DLGAP2: variants seen among roughly 807,000 people sequenced by gnomAD.
The protein encoded by DLGAP2 is disks large-associated protein 2.
DLGAP2 carries 26 observed loss-of-function variants against 100.3 expected under a neutral mutation model. The observed-to-expected ratio is 0.26, with a 90% confidence interval of 0.19 to 0.36. The LOEUF (loss-of-function observed/expected upper bound fraction) is 0.36. Ranked by LOEUF, DLGAP2 falls within the 10% of genes least tolerant of loss-of-function variation. DLGAP2 has a pLI of 1.00. For missense variants in DLGAP2, 1,858 were observed against 1,453.2 expected (o/e 1.28, Z -4.53); for synonymous variants, 886 against 630.1 (o/e 1.41, Z -6.08).
In DLGAP2 at chr8:946,285, T is replaced by C. The variant is rs555890756; in HGVS notation, c.73+38319T>C. Among the ~76,000 whole-genome samples, 54 of 151,604 alleles carry C rather than the reference T, an allele frequency of 3.6e-4. 1 individual carries two copies. Among genetic ancestry groups the C allele is most frequent in the African/African-American group, 6.1e-4 (25 of 41,314 alleles). On this transcript the variant is annotated intron_variant, in intron 2 of 14. Coordinates refer to ENST00000637795, the MANE Select transcript of DLGAP2 (RefSeq NM_001346810.2). ...GTTTCTTAGGTTTTTTTTTTTTTTT[T>C]GACAGTCTCACTCTGTCATCCAGGC...
Position 1,637,442 on chromosome 8 carries a change from A to G in DLGAP2, c.1810+4396A>G, listed in dbSNP as rs541433716. 1.8e-3 allele frequency among the ~76,000 whole-genome samples: 278 copies of G among 152,158 alleles called. 1 individual carries two copies. Among genetic ancestry groups the G allele is most frequent in the African/African-American group, 6.5e-3 (270 of 41,536 alleles). On this transcript the variant is annotated intron_variant, in intron 8 of 14. Transcript: ENST00000637795. ...GCGGGGCTCTCAGATGCATAGCCTC[A>G]GGTCATAGCTTTCCATAAGTCAACA...
chr8:1,566,125 T>G (rs556049443), intron 6 of DLGAP2, among the ~76,000 whole-genome samples: 6 of 152,238 alleles, frequency 3.9e-5, no homozygotes, highest in Non-Finnish European at 8.8e-5. Context: ...GGCAACTTCC[T>G]TGTCAAATTA....
chr8:1,588,297 T>A (rs971541650), intron 6 of DLGAP2, among the ~76,000 whole-genome samples: 1 of 152,062 alleles, frequency 6.6e-6, no homozygotes, highest in African/African-American at 2.4e-5. Context: ...ATGTACTGAA[T>A]GAAGAGAACA....
intron 4 of DLGAP2, among the ~76,000 whole-genome samples, chr8:1,509,527 T>G (rs1299237862): frequency 6.6e-6 from 1 of 151,868 alleles, no homozygotes; most frequent in East Asian, 1.9e-4. Context: ...CTTGCAGCCA[T>G]CAGGGTGGTG....
intron 2 of DLGAP2, among the ~76,000 whole-genome samples, chr8:1,055,056 G>T (rs552718256): frequency 6.6e-6 from 1 of 152,130 alleles, no homozygotes. Context: ...ATGTTACGAC[G>T]CACATTTAAG....
chr8:1,552,094 G>T (rs1253785262), intron 5 of DLGAP2, among the ~76,000 whole-genome samples: 3 of 152,124 alleles, frequency 2.0e-5, no homozygotes, highest in Non-Finnish European at 4.4e-5. Context: ...TGGTCCTGTT[G>T]TTCTGCAGCC....
intron 4 of DLGAP2, among the ~76,000 whole-genome samples, 193 bp downstream of exon 4, chr8:1,501,624 G>C (rs1202911015): frequency 2.0e-5 from 3 of 152,364 alleles, no homozygotes; most frequent in East Asian, 3.9e-4. Context: ...AGTGCTAGGT[G>C]AGGAAGGGCT....
At chr8:1,180,004 C>G (rs956178430) in intron 2 of DLGAP2, among the ~76,000 whole-genome samples, 4 of 152,130 alleles carry the variant, frequency 2.6e-5, no homozygotes. Context: ...TTATACTAGC[C>G]AGTTAAAGTG....
chr8:1,566,855 A>T (rs1208749994), intron 6 of DLGAP2, among the ~76,000 whole-genome samples: 1 of 152,264 alleles, frequency 6.6e-6, no homozygotes, highest in Non-Finnish European at 1.5e-5. Context: ...TACAAATTAG[A>T]ACTTCACAAA....
chr8:1,137,947 T>C (rs1429827771), intron 2 of DLGAP2, among the ~76,000 whole-genome samples: 6 of 152,126 alleles, frequency 3.9e-5, no homozygotes, highest in Non-Finnish European at 8.8e-5. Flanking sequence ...TGGGCCGCCA[T>C]GCTGGTCACA....
chr8:1,638,440 C>T (rs752882521), intron 8 of DLGAP2, among the ~76,000 whole-genome samples: 1 of 152,100 alleles, frequency 6.6e-6, no homozygotes, highest in Non-Finnish European at 1.5e-5. Context: ...CTGGGACTCA[C>T]AGCCTCCATG....
chr8:1,131,810 G>A (rs147253517), intron 2 of DLGAP2, among the ~76,000 whole-genome samples: 17 of 152,288 alleles, frequency 1.1e-4, no homozygotes, highest in African/African-American at 4.1e-4. Flanking sequence ...TGAATTCTAT[G>A]CTTTTTGGGG....
chr8:1,346,343 C>T (rs917583299), intron 3 of DLGAP2, among the ~76,000 whole-genome samples: 11 of 151,492 alleles, frequency 7.3e-5, no homozygotes, highest in Admixed American at 6.6e-5. Flanking sequence ...TACACATCTG[C>T]ATTGCTCTCA....
chr8:1,641,844 G>C (rs1392533769), intron 8 of DLGAP2, among the ~76,000 whole-genome samples: 1 of 151,784 alleles, frequency 6.6e-6, no homozygotes, highest in African/African-American at 2.4e-5. Flanking sequence ...GGAGATGGAA[G>C]TACTGTTGAA....
intron 3 of DLGAP2, among the ~76,000 whole-genome samples, chr8:1,266,303 T>C (rs1563051137): frequency 6.6e-6 from 1 of 152,214 alleles, no homozygotes; most frequent in Non-Finnish European, 1.5e-5. Flanking sequence ...CATGCTTTTA[T>C]TGGAAATATT....
At chr8:1,101,986 A>C (rs959139501) in intron 2 of DLGAP2, among the ~76,000 whole-genome samples, 32 of 152,150 alleles carry the variant, frequency 2.1e-4, no homozygotes, top group African/African-American at 7.2e-4. Flanking sequence ...ATTTTAGCAC[A>C]AAAAAGGAAA....
rs1799761754 is a variant in DLGAP2 at position 1,708,398 on chromosome 8, G to C, written c.*6992G>C. 6.6e-6 allele frequency: 1 copy of C among 152,102 alleles called. No homozygotes were observed. The highest frequency in any genetic ancestry group is 1.5e-5 in the Non-Finnish European group (1 of 68,030). 9.4% of individuals were successfully genotyped at this position (152,102 alleles called of 1,614,324 possible). Reference sequence around the variant, plus strand: ...TTAAGAAGTAATGGACATTTATTAAGGTTACAGATTTAATATGTATGCAAA... The same window carrying C: ...TTAAGAAGTAATGGACATTTATTAACGTTACAGATTTAATATGTATGCAAA... On this transcript the variant is annotated 3_prime_UTR_variant, in exon 15 of 15. Coordinates refer to ENST00000637795, the MANE Select transcript of DLGAP2 (RefSeq NM_001346810.2).
At chr8:1,198,166 G>A (rs953169775) in intron 2 of DLGAP2, among the ~76,000 whole-genome samples, 10 of 152,088 alleles carry the variant, frequency 6.6e-5, no homozygotes, top group Non-Finnish European at 1.5e-4. Context: ...AGGCCCTCCG[G>A]TGTGGTGCTG....
chr8:1,673,536 C>T (rs1458229126), intron 10 of DLGAP2, among the ~76,000 whole-genome samples: 1 of 152,162 alleles, frequency 6.6e-6, no homozygotes, highest in East Asian at 1.9e-4. Context: ...GTAAAATCTG[C>T]ACAGTTCATC....
Sources: gnomAD v4.1 joint callset for allele counts (sites outside exome capture counted in the v4.1 genomes callset) on GRCh38, gnomAD v4.1.1 for gene constraint, MANE v1.5 for transcripts, NCBI Gene and HGNC (gene_info 2026-07-23, HGNC 2026-07-21) for gene names.